Variants in KCNN2 observed in about 807,000 individuals in gnomAD.
KCNN2 encodes the protein small conductance calcium-activated potassium channel protein 2.
A neutral mutation model predicts 55.5 loss-of-function variants in KCNN2; 24 were observed. That is an observed-to-expected ratio of 0.43 (90% CI 0.31 to 0.61). The LOEUF (loss-of-function observed/expected upper bound fraction) is 0.61. Among genes scored for constraint, KCNN2 ranks in the 20% least tolerant of loss-of-function variants. The pLI, the probability that KCNN2 is intolerant of heterozygous loss-of-function variation, is 0.08. For missense variants in KCNN2, 754 were observed against 853.6 expected (o/e 0.88, Z 1.45); for synonymous variants, 431 against 336.1 (o/e 1.28, Z -3.09).
intron 2 of KCNN2, among the ~76,000 whole-genome samples, chr5:114,340,164 AG>A (rs1215618438): frequency 6.6e-6 from 1 of 152,218 alleles, no homozygotes; most frequent in Non-Finnish European, 1.5e-5. Context: ...ATTTTAATTG[AG>A]TCTATCAATT....
chr5:114,074,329 T>TGCGC lies in KCNN2; in HGVS notation c.-271+17838_-271+17841dup, dbSNP rs869146313. 4.7e-3 allele frequency among the ~76,000 whole-genome samples: 653 copies of TGCGC among 138,734 alleles called. 4 individuals carry two copies. The highest frequency in any genetic ancestry group is 0.015 in the African/African-American group (507 of 34,768). The allele number at this position is 138,734 out of a possible 152,430, so 91.0% of individuals were successfully genotyped here. A position where few individuals can be genotyped will look rare whatever the true frequency, so the allele number is the denominator to read the frequency against. On this transcript the variant is annotated intron_variant, in intron 1 of 10. Coordinates refer to the KCNN2 transcript ENST00000512097. ...GTGTGTGTGTGTGTGTGTGTGTGTG[T>TGCGC]GCGCGCGCGCGCCAGAGAGAAAGAG...
At chr5:114,391,434 C>A (rs1023269021) in intron 2 of KCNN2, among the ~76,000 whole-genome samples, 1 of 151,750 alleles carries the variant, frequency 6.6e-6, no homozygotes, top group Non-Finnish European at 1.5e-5. Flanking sequence ...AATATATTGC[C>A]CCAAACCACT....
intron 1 of KCNN2, among the ~76,000 whole-genome samples, chr5:114,102,703 C>G (rs1751397021): frequency 6.6e-6 from 1 of 152,124 alleles, no homozygotes; most frequent in Admixed American, 6.6e-5. Context: ...AATCCTTTCC[C>G]CATTGCTTGT....
At chr5:114,371,487 A>G (rs1454540302) in intron 2 of KCNN2, among the ~76,000 whole-genome samples, 1 of 152,144 alleles carries the variant, frequency 6.6e-6, no homozygotes, top group East Asian at 1.9e-4. Flanking sequence ...AGGAGGGCAT[A>G]GCACTCTATA....
chr5:114,084,140 T>C (rs1221301991), intron 1 of KCNN2, among the ~76,000 whole-genome samples: 2 of 152,130 alleles, frequency 1.3e-5, no homozygotes, highest in African/African-American at 4.8e-5. Context: ...GCTATTAACA[T>C]TCATGTGAAG....
At chr5:114,315,449 GTGTGTGTGTGTGTGTGTATATA>G (rs201413679) in intron 2 of KCNN2, among the ~76,000 whole-genome samples, 2,721 of 112,418 alleles carry the variant, frequency 0.024, 73 homozygotes, top group African/African-American at 0.08. Context: ...GTGTGTGTGT[GTGTGTGTGTGTGTGTGTATATA>G]TATATAAAAC....
intron 1 of KCNN2, among the ~76,000 whole-genome samples, chr5:114,159,897 C>A (rs1333790398): frequency 6.6e-6 from 1 of 151,894 alleles, no homozygotes; most frequent in East Asian, 1.9e-4. Flanking sequence ...TCTCTCTTTT[C>A]TTCTTTATTA....
chr5:114,319,752 T>G (rs1756577330), intron 2 of KCNN2, among the ~76,000 whole-genome samples: 1 of 152,272 alleles, frequency 6.6e-6, no homozygotes, highest in African/African-American at 2.4e-5. Flanking sequence ...TAATGTTTCA[T>G]TATTATGCCA....
intron 3 of KCNN2, among the ~76,000 whole-genome samples, chr5:114,457,577 T>G (rs1760988812): frequency 6.6e-6 from 1 of 152,204 alleles, no homozygotes; most frequent in African/African-American, 2.4e-5. Flanking sequence ...ATACTATCTT[T>G]TACTGCAGTC....
intron 1 of KCNN2, among the ~76,000 whole-genome samples, chr5:114,126,845 C>G (rs1443402813): frequency 6.6e-6 from 1 of 152,160 alleles, no homozygotes; most frequent in African/African-American, 2.4e-5. Flanking sequence ...AATGGGGGTA[C>G]AGGCATTGAG....
At chr5:114,280,964 T>G (rs2150012827) in intron 2 of KCNN2, among the ~76,000 whole-genome samples, 1 of 152,280 alleles carries the variant, frequency 6.6e-6, no homozygotes, top group East Asian at 1.9e-4. Context: ...ACACTAACCC[T>G]TCTTTTGCCG....
At chr5:114,305,471 G>A (rs1271902443) in intron 2 of KCNN2, among the ~76,000 whole-genome samples, 1 of 152,188 alleles carries the variant, frequency 6.6e-6, no homozygotes, top group African/African-American at 2.4e-5. Flanking sequence ...TAAACCTCCA[G>A]GCTGTGGATG....
At chr5:114,159,298 A>T (rs1752712245) in intron 1 of KCNN2, among the ~76,000 whole-genome samples, 1 of 152,198 alleles carries the variant, frequency 6.6e-6, no homozygotes, top group South Asian at 2.1e-4. Context: ...TATATGCTGG[A>T]TTACATTTAT....
chr5:114,193,262 G>C (rs1366523829), intron 1 of KCNN2, among the ~76,000 whole-genome samples: 1 of 152,044 alleles, frequency 6.6e-6, no homozygotes, highest in Non-Finnish European at 1.5e-5. Context: ...TTTCCTGGAT[G>C]GGGAACTGGA....
rs578173866 is a variant in KCNN2, at chr5:114,173,652, C to T, written c.-270-47828C>T. Reference sequence around the variant, plus strand: ...AGAATATCTTTCCATTTTTTGGTGTCCTCTTTAATTTTTTTCATCAGCGTT... The same window carrying T: ...AGAATATCTTTCCATTTTTTGGTGTTCTCTTTAATTTTTTTCATCAGCGTT... On this transcript the variant is annotated intron_variant, in intron 1 of 10. Transcript: ENST00000512097. Among the ~76,000 whole-genome samples the T allele has an allele frequency of 7.3e-5, 11 of 151,448 alleles. No individual in the cohort carries two copies. In the South Asian group the frequency reaches 2.3e-3, roughly 32 times the overall value.
At position 114,247,959 on chromosome 5, in the gene KCNN2, C is replaced by A. The variant is rs114220933; in HGVS notation, c.-185+26394C>A. ...CTATCTTAATTGTTTTTGTGTTTTC[C>A]ACCTGAGACTTTGGACTTCCCTTTT... On this transcript the variant is annotated intron_variant, in intron 2 of 10. Transcript: ENST00000512097. Among the ~76,000 whole-genome samples, 6 of 151,858 alleles carry A rather than the reference C, an allele frequency of 4.0e-5. 1 individual carries two copies. In the East Asian group the frequency reaches 1.2e-3, roughly 29 times the overall value.
rs145813140 is a variant in KCNN2 at position 114,107,659 on chromosome 5, G to A, written c.-271+51159G>A. 6.8e-3 allele frequency among the ~76,000 whole-genome samples: 1,029 copies of A among 152,022 alleles called. 11 individuals are homozygous for A. The highest frequency in any genetic ancestry group is 0.023 in the African/African-American group (970 of 41,494). ...GATCTTCCCATCTGGGCCTCCCAAA[G>A]TGTTGGCATTATAGGCATGCACCAC... is the stretch of plus-strand genomic sequence containing the variant. On this transcript the variant is annotated intron_variant, in intron 1 of 10. Transcript: ENST00000512097.
chr5:114,208,616 G>A (rs1038998878), intron 1 of KCNN2, among the ~76,000 whole-genome samples: 2 of 152,142 alleles, frequency 1.3e-5, no homozygotes, highest in Admixed American at 1.3e-4. Context: ...TTTGGCTAAT[G>A]AAATCAGAAT....
At chr5:114,392,151 C>CT (rs1758466840) in intron 2 of KCNN2, among the ~76,000 whole-genome samples, 1 of 152,156 alleles carries the variant, frequency 6.6e-6, no homozygotes, top group Non-Finnish European at 1.5e-5. Context: ...GATGGGAATA[C>CT]TATTGGGTTA....
Sources: allele counts gnomAD v4.1 joint callset (sites outside exome capture counted in the v4.1 genomes callset), GRCh38; gene constraint gnomAD v4.1.1; transcripts MANE v1.5; gene names NCBI Gene and HGNC (gene_info 2026-07-23, HGNC 2026-07-21).